Variants in TMEM132C observed in about 807,000 individuals in gnomAD.
TMEM132C encodes the protein protein phosphatase 1, regulatory subunit 152.
In TMEM132C, 29 loss-of-function variants were observed where a neutral mutation model predicts 61.4. The observed-to-expected ratio is 0.47, with a 90% confidence interval of 0.35 to 0.64. TMEM132C has a LOEUF of 0.64. TMEM132C is among the 30% of genes least tolerant of loss of function. TMEM132C has a pLI of 0.00. For missense variants in TMEM132C, 1,408 were observed against 1,476.9 expected (o/e 0.95, Z 0.76); for synonymous variants, 656 against 633.1 (o/e 1.04, Z -0.54).
intron 1 of TMEM132C, among the ~76,000 whole-genome samples, chr12:128,374,538 A>T (rs559275431): frequency 6.6e-6 from 1 of 151,976 alleles, no homozygotes; most frequent in Admixed American, 6.5e-5. Flanking sequence ...GGGTTTGGCT[A>T]TTTGGCGCCT....
chr12:128,533,451 G>C (rs1007176117), intron 2 of TMEM132C, among the ~76,000 whole-genome samples: 5 of 152,136 alleles, frequency 3.3e-5, no homozygotes, highest in Non-Finnish European at 7.3e-5. Context: ...TGAAGGATAC[G>C]AATCTCTCAC....
At position 128,606,445 on chromosome 12, in the gene TMEM132C, C is replaced by G. The variant is rs912255628; in HGVS notation, c.1122-9707C>G. Among the ~76,000 whole-genome samples, 4 of 152,344 alleles carry G rather than the reference C, an allele frequency of 2.6e-5. No individual in the cohort carries two copies. In the South Asian group the frequency reaches 6.2e-4, roughly 24 times the overall value. ...TCATCCATAGTTTTATTCCCCCTGCCTGTATTTCCCTCGCTGCCCAGCCTC... is the reference window on the plus strand; with the variant it reads ...TCATCCATAGTTTTATTCCCCCTGCGTGTATTTCCCTCGCTGCCCAGCCTC... On this transcript the variant is annotated intron_variant, in intron 3 of 8. Transcript: ENST00000435159.
chr12:128,376,999 G>C lies in TMEM132C; in HGVS notation c.86-37733G>C, dbSNP rs146674534. ...GAGAAACTGGACTCCCCTTCAGGGA[G>C]ATGCTGGACTCACTGAACTAAGAGA... On this transcript the variant is annotated intron_variant, in intron 1 of 8. Transcript: ENST00000435159. Among the ~76,000 whole-genome samples the C allele has an allele frequency of 5.2e-4, 79 of 152,262 alleles. 1 individual carries two copies. The highest frequency in any genetic ancestry group is 8.2e-4 in the Non-Finnish European group (56 of 68,026).
rs986398810 is a variant in TMEM132C at position 128,630,940 on chromosome 12, G to A, written c.1305+14605G>A. Among the ~76,000 whole-genome samples the A allele has an allele frequency of 2.6e-5, 4 of 152,176 alleles. No individual in the cohort carries two copies. The highest frequency in any genetic ancestry group is 6.5e-5 in the Admixed American group (1 of 15,274). On this transcript the variant is annotated intron_variant, in intron 4 of 8. Transcript: ENST00000435159. The surrounding 1 kb of genome is among the most constrained non-coding windows in gnomAD (Gnocchi z 4.3). ...CCAGCTACTCAGGAGGCTGAGACACGAGAATCGCTTGAACCTGGGAGGCGG... is the reference window on the plus strand; with the variant it reads ...CCAGCTACTCAGGAGGCTGAGACACAAGAATCGCTTGAACCTGGGAGGCGG...
intron 2 of TMEM132C, among the ~76,000 whole-genome samples, chr12:128,486,787 A>C (rs1216789882): frequency 1.3e-5 from 2 of 152,046 alleles, no homozygotes; most frequent in East Asian, 1.9e-4. Context: ...CCTGAACCGA[A>C]TCTTGGCAGA....
chr12:128,639,025 ATGG>A (rs1954127100), intron 4 of TMEM132C, among the ~76,000 whole-genome samples: 1 of 106,000 alleles, frequency 9.4e-6, no homozygotes, highest in Non-Finnish European at 2.1e-5. Flanking sequence ...GGTGATGGTG[ATGG>A]TGGTGATGAT....
intron 4 of TMEM132C, among the ~76,000 whole-genome samples, chr12:128,646,428 G>C (rs1455047305): frequency 2.6e-5 from 4 of 152,142 alleles, no homozygotes; most frequent in Non-Finnish European, 5.9e-5. Flanking sequence ...GGATGTGAGT[G>C]TGTTCACTAG....
intron 2 of TMEM132C, among the ~76,000 whole-genome samples, chr12:128,513,555 G>T (rs1456342660): frequency 6.6e-6 from 1 of 152,106 alleles, no homozygotes; most frequent in Non-Finnish European, 1.5e-5. Context: ...CTTTTACTTA[G>T]TTAACAAGCA....
At chr12:128,694,360 A>C (rs918816899) in intron 6 of TMEM132C, among the ~76,000 whole-genome samples, 4 of 152,264 alleles carry the variant, frequency 2.6e-5, no homozygotes, top group African/African-American at 9.6e-5. Flanking sequence ...TCCAAAAAAA[A>C]GTCAGTCCTT....
chr12:128,338,270 C>T (rs1170777440), intron 1 of TMEM132C, among the ~76,000 whole-genome samples: 2 of 152,178 alleles, frequency 1.3e-5, no homozygotes, highest in African/African-American at 4.8e-5. Context: ...TACTAGTCCA[C>T]TCAGGTAGAG....
At chr12:128,582,203 T>C (rs1875362608) in intron 3 of TMEM132C, among the ~76,000 whole-genome samples, 3 of 152,126 alleles carry the variant, frequency 2.0e-5, no homozygotes, top group Admixed American at 2.0e-4. Flanking sequence ...GAACAGGCAA[T>C]TCACTGGAAA....
At chr12:128,582,798 A>T (rs1875394635) in intron 3 of TMEM132C, among the ~76,000 whole-genome samples, 1 of 152,148 alleles carries the variant, frequency 6.6e-6, no homozygotes, top group Non-Finnish European at 1.5e-5. Flanking sequence ...CAGCAGCATG[A>T]AAACAGACTG....
chr12:128,351,511 T>C (rs996712333), intron 1 of TMEM132C, among the ~76,000 whole-genome samples: 3 of 152,188 alleles, frequency 2.0e-5, no homozygotes, highest in African/African-American at 7.2e-5. Flanking sequence ...TGAGGCTGGG[T>C]AATTTATAAA....
chr12:128,505,405 G>C (rs890084157), intron 2 of TMEM132C, among the ~76,000 whole-genome samples: 2 of 152,116 alleles, frequency 1.3e-5, no homozygotes, highest in East Asian at 3.8e-4. Context: ...AACTAGCTCT[G>C]GCTAGTACCA....
chr12:128,372,331 T>G (rs1257237813), intron 1 of TMEM132C, among the ~76,000 whole-genome samples: 2 of 152,136 alleles, frequency 1.3e-5, no homozygotes, highest in Non-Finnish European at 2.9e-5. Flanking sequence ...TTCAGTGAGG[T>G]TTTCTGCCTC....
intron 2 of TMEM132C, among the ~76,000 whole-genome samples, chr12:128,458,244 T>C (rs1196036890): frequency 1.4e-5 from 2 of 145,720 alleles, no homozygotes; most frequent in Non-Finnish European, 3.0e-5. Flanking sequence ...AGTATTATAA[T>C]ATAATATTTA....
intron 1 of TMEM132C, among the ~76,000 whole-genome samples, chr12:128,392,837 TTAC>T (rs1874812876): frequency 6.6e-6 from 1 of 152,012 alleles, no homozygotes; most frequent in African/African-American, 2.4e-5. Flanking sequence ...TTTAAAATGT[TTAC>T]AAATTTGTCT....
At chr12:128,277,820 G>T (rs1870745296) in intron 1 of TMEM132C, among the ~76,000 whole-genome samples, 2 of 152,164 alleles carry the variant, frequency 1.3e-5, no homozygotes, top group Admixed American at 1.3e-4. Context: ...AAACAACAAA[G>T]TCCAGGACAT....
intron 1 of TMEM132C, among the ~76,000 whole-genome samples, chr12:128,401,512 C>A (rs1296893904): frequency 2.0e-5 from 3 of 152,060 alleles, no homozygotes; most frequent in African/African-American, 7.2e-5. Context: ...ACTGGTATAG[C>A]TATGTTGGAG....
Sources: gnomAD v4.1 joint callset for allele counts (sites outside exome capture counted in the v4.1 genomes callset) on GRCh38, gnomAD v4.1.1 for gene constraint, Gnocchi (gnomAD v3.1) non-coding constraint, MANE v1.5 for transcripts, NCBI Gene and HGNC (gene_info 2026-07-23, HGNC 2026-07-21) for gene names.